The following MICAL3 variants were observed in gnomAD, a reference collection of about 807,000 sequenced individuals.
The protein encoded by MICAL3 is microtubule associated monooxygenase, calponin and LIM domain containing 3.
MICAL3 carries 62 observed loss-of-function variants against 207.4 expected under a neutral mutation model. The observed-to-expected ratio is 0.30, with a 90% CI of 0.24 to 0.37. The LOEUF (loss-of-function observed/expected upper bound fraction) is 0.37. MICAL3 is among the 10% of genes least tolerant of loss of function. The probability of loss-of-function intolerance (pLI) is 1.00; values close to 1 mark genes in which losing one functional copy is unlikely to be tolerated. For synonymous variants in MICAL3, 1,077 were observed against 1,069.3 expected, an observed-to-expected ratio of 1.01 and a Z score of -0.14; for missense variants, 2,368 against 2,635.6, an observed-to-expected ratio of 0.90 and a Z score of 2.22.
Position 17,900,834 on chromosome 22 carries a change from A to G in MICAL3, c.847+8T>C. 1 of 1,613,922 alleles carries G rather than the reference A, an allele frequency of 6.2e-7. No homozygotes were observed. The highest frequency in any genetic ancestry group is 8.5e-7 in the Non-Finnish European group (1 of 1,179,804). ...CTATCCTAGGGCTCCGGAGACATCAACACCAACCTGTGGCTTCCCTCAGTT... is the reference window on the plus strand; with the variant it reads ...CTATCCTAGGGCTCCGGAGACATCAGCACCAACCTGTGGCTTCCCTCAGTT... On this transcript the variant is annotated splice_region_variant and intron_variant, in intron 6 of 31. Transcript: ENST00000441493. This position sits in a 1 kb window ranked among gnomAD's most constrained non-coding sequence, Gnocchi z 4.0.
chr22:17,968,238 A>G (rs1420419887), intron 1 of MICAL3, among the ~76,000 whole-genome samples: 1 of 152,160 alleles, frequency 6.6e-6, no homozygotes, highest in African/African-American at 2.4e-5. Context: ...AGGGGGAATC[A>G]GATAGCGTGC....
At chr22:17,826,531 G>GGC (rs1922206225) in intron 22 of MICAL3, 1 of 985,340 alleles carries the variant, frequency 1.0e-6, no homozygotes, top group Non-Finnish European at 1.2e-6. Context: ...ATTTAAAACA[G>GGC]ACGACAAATA....
chr22:17,921,977 A>G (rs1932809235), intron 1 of MICAL3, among the ~76,000 whole-genome samples: 1 of 152,108 alleles, frequency 6.6e-6, no homozygotes, highest in Admixed American at 6.5e-5. Context: ...TCAGGTTCCC[A>G]GCATGCACCA....
At chr22:17,809,613 G>C (rs1871898718) in intron 28 of MICAL3, among the ~76,000 whole-genome samples, 2 of 152,140 alleles carry the variant, frequency 1.3e-5, no homozygotes, top group African/African-American at 4.8e-5. Flanking sequence ...CCTGGCCACG[G>C]AGTGAGACTC....
chr22:17,884,134 G>A (rs1929661573), intron 16 of MICAL3: 1 of 548,520 alleles, frequency 1.8e-6, no homozygotes, highest in African/African-American at 2.0e-5. Context: ...TTTTCCCAGA[G>A]CTACTACTCG....
rs753011921 is a variant in MICAL3, at chr22:17,818,423, C to T, written c.4238G>A (p.Arg1413His). ...CTCCCTGCGCTCCTCCTGGGCGCTG[C>T]GTAGCTCTCTGTCGGACGGGGACCG... ...TPRSPSDREL[R>H]SAQEERRELS... is the part of the protein sequence containing the mutation. The change falls in exon 26 of 32, where the codon CGC becomes CAC. Residue 1413 changes from arginine to histidine, a missense_variant. This residue lies in a region of MICAL3 where 1,770 missense variants were observed against 1,863.2 expected (regional missense o/e 0.95). Coordinates refer to ENST00000441493, the MANE Select transcript of MICAL3 (RefSeq NM_015241.3). The T allele has an allele frequency of 5.6e-6, 9 of 1,612,326 alleles. No individual in the cohort carries two copies. The highest frequency in any genetic ancestry group is 2.2e-5 in the East Asian group (1 of 44,892).
chr22:17,894,275 C>T (rs1930636353), intron 10 of MICAL3, among the ~76,000 whole-genome samples: 1 of 151,528 alleles, frequency 6.6e-6, no homozygotes, highest in Non-Finnish European at 1.5e-5. Context: ...AGCTGTAGTC[C>T]CAGCTACTTG....
chr22:17,865,175 A>T (rs1436303673), intron 18 of MICAL3, among the ~76,000 whole-genome samples, 189 bp from the exon 19 acceptor site: 3 of 151,800 alleles, frequency 2.0e-5, no homozygotes, highest in African/African-American at 4.8e-5. Flanking sequence ...CAGCGGCATC[A>T]TCATAGCTCA....
At chr22:17,823,236 GC>G (rs1008515439) in intron 22 of MICAL3, among the ~76,000 whole-genome samples, 176 bp from the exon 23 acceptor site, 6 of 152,224 alleles carry the variant, frequency 3.9e-5, no homozygotes, top group African/African-American at 1.4e-4. Flanking sequence ...GCTGGGGGGG[GC>G]CCGGGGCCCC....
intron 1 of MICAL3, among the ~76,000 whole-genome samples, chr22:17,923,880 G>A (rs990151223): frequency 6.6e-6 from 1 of 152,228 alleles, no homozygotes; most frequent in African/African-American, 2.4e-5. Flanking sequence ...CTGAGACTGG[G>A]TAATTTATAA....
chr22:17,876,824 G>GGTTATGGAGGTTAGGGAGGTTAGGGAA (rs1928497120), intron 16 of MICAL3: 4 of 91,194 alleles, frequency 4.4e-5, no homozygotes, highest in South Asian at 3.6e-4. Flanking sequence ...AGGTTAGGGA[G>GGTTATGGAGGTTAGGGAGGTTAGGGAA]GTTATGGAGG....
intron 19 of MICAL3, among the ~76,000 whole-genome samples, chr22:17,853,719 T>C (rs959978656): frequency 6.6e-6 from 1 of 152,162 alleles, no homozygotes; most frequent in African/African-American, 2.4e-5. Flanking sequence ...CAAATTCACA[T>C]CTTCTGTTTC....
Position 17,818,610 on chromosome 22 carries a change from G to A in MICAL3, c.4051C>T (p.Pro1351Ser). The A allele has an allele frequency of 6.2e-7, 1 of 1,613,620 alleles. No homozygotes were observed. The change falls in exon 26 of 32, where the codon CCC (proline) becomes TCC (serine). Residue 1351 changes from proline to serine, a missense_variant. Physicochemically the swap from Pro to Ser is moderately conservative, Grantham distance 74. Coordinates refer to ENST00000441493, the MANE Select transcript of MICAL3 (RefSeq NM_015241.3). ...CTGAAGGCAGGCGTGGGGAAGCTGG[G>A]CTCGGGCCCCTTGCTGCGGTCCACA... ...TPVDRSKGPE[P>S]SFPTPAFRPV...
intron 1 of MICAL3, among the ~76,000 whole-genome samples, chr22:17,945,560 A>T (rs1378614926): frequency 6.6e-6 from 1 of 152,206 alleles, no homozygotes; most frequent in Non-Finnish European, 1.5e-5. Context: ...CAGGATTCAC[A>T]TGAGGACCTG....
At chr22:17,885,058 G>A (rs1929752576) in intron 16 of MICAL3, among the ~76,000 whole-genome samples, 1 of 152,204 alleles carries the variant, frequency 6.6e-6, no homozygotes, top group Admixed American at 6.5e-5. Flanking sequence ...CAAAATCCCA[G>A]CCCCGCCTCT....
chr22:17,983,941 A>G (rs1936041049), intron 1 of MICAL3, among the ~76,000 whole-genome samples: 1 of 152,232 alleles, frequency 6.6e-6, no homozygotes, highest in South Asian at 2.1e-4. Flanking sequence ...AAAGAGAAGA[A>G]AAAAATATGA....
At chr22:17,801,592 T>G (rs2061940064) in intron 29 of MICAL3, among the ~76,000 whole-genome samples, 1 of 151,772 alleles carries the variant, frequency 6.6e-6, no homozygotes, top group Non-Finnish European at 1.5e-5. Context: ...CAAGGGCGGG[T>G]AAAGAAAGCA....
At chr22:17,873,068 C>A (rs137964201) in intron 16 of MICAL3, among the ~76,000 whole-genome samples, 1 of 152,204 alleles carries the variant, frequency 6.6e-6, no homozygotes, top group Admixed American at 6.5e-5. Flanking sequence ...GGTACCGGCA[C>A]AGGCAGGACG....
chr22:17,855,287 C>T (rs755390597), intron 19 of MICAL3, among the ~76,000 whole-genome samples: 6 of 152,220 alleles, frequency 3.9e-5, no homozygotes, highest in Non-Finnish European at 7.3e-5. Context: ...CTTCCTTCCC[C>T]TATCCCTAAC....
Sources: gnomAD v4.1 joint callset for allele counts (sites outside exome capture counted in the v4.1 genomes callset) on GRCh38, gnomAD v4.1.1 for gene constraint, gnomAD v4.1.1 regional missense constraint, Gnocchi (gnomAD v3.1) non-coding constraint, MANE v1.5 for transcripts, NCBI Gene and HGNC (gene_info 2026-07-23, HGNC 2026-07-21) for gene names.